LPAR1: variants seen among roughly 807,000 people sequenced by gnomAD.
LPAR1 encodes the protein lysophosphatidic acid receptor 1.
A neutral mutation model predicts 23.8 loss-of-function variants in LPAR1; 5 were observed. That is an observed-to-expected ratio of 0.21 (90% CI 0.11 to 0.44). LPAR1 has a LOEUF of 0.44. LPAR1 is among the 20% of genes least tolerant of loss of function. The probability of loss-of-function intolerance (pLI) is 0.99; values close to 1 mark genes in which losing one functional copy is unlikely to be tolerated. For missense variants in LPAR1, 311 were observed against 482.8 expected, an observed-to-expected ratio of 0.64 and a Z score of 3.33; for synonymous variants, 160 against 164.7, an observed-to-expected ratio of 0.97 and a Z score of 0.22.
intron 5 of LPAR1, among the ~76,000 whole-genome samples, chr9:110,922,995 C>G (rs563008664): frequency 2.6e-5 from 4 of 152,042 alleles, no homozygotes; most frequent in African/African-American, 9.6e-5. Context: ...CCTCAGCCCC[C>G]CAACCCCCAA....
chr9:110,950,216 G>A (rs949823791), intron 4 of LPAR1, among the ~76,000 whole-genome samples: 3 of 151,866 alleles, frequency 2.0e-5, no homozygotes, highest in African/African-American at 4.8e-5. Flanking sequence ...TCCCAGCACT[G>A]TGAAGGGCTG....
chr9:110,923,069 T>G (rs1311627140), intron 5 of LPAR1, among the ~76,000 whole-genome samples: 4 of 151,764 alleles, frequency 2.6e-5, no homozygotes, highest in Non-Finnish European at 5.9e-5. Flanking sequence ...CACCACTCAA[T>G]ACAAAGGAGA....
intron 4 of LPAR1, among the ~76,000 whole-genome samples, chr9:110,949,354 A>C (rs977910442): frequency 6.6e-6 from 1 of 152,236 alleles, no homozygotes; most frequent in African/African-American, 2.4e-5. Context: ...ATAATAAATG[A>C]TTAAAGACAA....
intron 5 of LPAR1, among the ~76,000 whole-genome samples, chr9:110,895,991 AGAT>A (rs1380048483): frequency 6.6e-6 from 1 of 152,168 alleles, no homozygotes. Context: ...AATCTTAATC[AGAT>A]CAGGCTTACA....
At chr9:110,965,336 G>A (rs2096175474) in intron 4 of LPAR1, among the ~76,000 whole-genome samples, 1 of 152,144 alleles carries the variant, frequency 6.6e-6, no homozygotes, top group Non-Finnish European at 1.5e-5. Context: ...GTTGTGAACA[G>A]GCAACCTACA....
chr9:110,989,733 A>T (rs527744010), intron 2 of LPAR1, among the ~76,000 whole-genome samples: 1 of 152,300 alleles, frequency 6.6e-6, no homozygotes, highest in East Asian at 1.9e-4. Flanking sequence ...AAACATAACC[A>T]TATGAAAACA....
chr9:110,926,088 T>C (rs2094006440), intron 5 of LPAR1, among the ~76,000 whole-genome samples: 1 of 152,088 alleles, frequency 6.6e-6, no homozygotes, highest in Non-Finnish European at 1.5e-5. Flanking sequence ...GCCCGGCTAA[T>C]TTTTTGTATT....
intron 5 of LPAR1, among the ~76,000 whole-genome samples, chr9:110,924,318 C>A (rs1047252924): frequency 2.7e-5 from 4 of 150,806 alleles, no homozygotes; most frequent in African/African-American, 9.8e-5. Context: ...GTAGAAAAAT[C>A]ACACTTTCAA....
rs139902424 is a variant in LPAR1, at chr9:110,941,688, T to C, written c.526A>G (p.Ile176Val). Residue 176 changes from isoleucine to valine, a missense_variant, in exon 5 of 6, where the codon ATC becomes GTC. By Grantham distance (29) the Ile-to-Val change is conservative (BLOSUM62 3). Around this residue, in one of 2 missense-constraint regions of LPAR1, gnomAD observed 250 missense variants for 427.2 expected, o/e 0.59. Coordinates refer to ENST00000683809, the MANE Select transcript of LPAR1 (RefSeq NM_001351411.2). This position sits in a 1 kb window ranked among gnomAD's most constrained non-coding sequence, Gnocchi z 6.1. ...ACACTGGGTATAGCACCCATAACGA[T>C]GGCCATAGTCCAGATGACCACAATG... ...VVIVVIWTMA[I>V]VMGAIPSVGW... 8 of 1,614,046 alleles carry C rather than the reference T, an allele frequency of 5.0e-6. No homozygotes were observed. In the African/African-American group the frequency reaches 5.3e-5, roughly 11 times the overall value.
At chr9:110,921,177 G>T (rs2093605251) in intron 5 of LPAR1, among the ~76,000 whole-genome samples, 1 of 152,214 alleles carries the variant, frequency 6.6e-6, no homozygotes, top group South Asian at 2.1e-4. Context: ...AACAGGGTGA[G>T]GTAGGACGAT....
chr9:110,957,184 A>T (rs1280892205), intron 4 of LPAR1, among the ~76,000 whole-genome samples: 1 of 150,778 alleles, frequency 6.6e-6, no homozygotes, highest in Non-Finnish European at 1.5e-5. Context: ...CCTGGGCAAC[A>T]AAGTGAGATG....
chr9:110,951,316 T>C (rs770677940), intron 4 of LPAR1, among the ~76,000 whole-genome samples: 21 of 152,108 alleles, frequency 1.4e-4, no homozygotes, highest in Non-Finnish European at 2.6e-4. Context: ...ATCAAAATTT[T>C]AAGACTTCTG....
At chr9:111,020,114 C>T (rs2097535203) in intron 2 of LPAR1, among the ~76,000 whole-genome samples, 1 of 152,170 alleles carries the variant, frequency 6.6e-6, no homozygotes, top group African/African-American at 2.4e-5. Flanking sequence ...TCATTTAATC[C>T]TAATTATCTC....
chr9:110,969,919 A>G (rs1161034483), intron 4 of LPAR1, among the ~76,000 whole-genome samples: 1 of 152,140 alleles, frequency 6.6e-6, no homozygotes, highest in African/African-American at 2.4e-5. Context: ...AGATTCCAAG[A>G]CAGGAGCAGG....
At chr9:110,883,981 C>A (rs1376092750) in intron 5 of LPAR1, among the ~76,000 whole-genome samples, 2 of 151,498 alleles carry the variant, frequency 1.3e-5, no homozygotes, top group Non-Finnish European at 2.9e-5. Flanking sequence ...AGAGTGTATC[C>A]ATGAGCATTC....
chr9:110,939,393 C>A (rs966247394), intron 5 of LPAR1, among the ~76,000 whole-genome samples: 1 of 152,224 alleles, frequency 6.6e-6, no homozygotes, highest in African/African-American at 2.4e-5. Context: ...AATACCTTCA[C>A]CTATCACCGT....
intron 5 of LPAR1, among the ~76,000 whole-genome samples, chr9:110,896,815 T>C (rs1353303253): frequency 7.4e-6 from 1 of 134,498 alleles, no homozygotes; most frequent in South Asian, 2.3e-4. Context: ...TGAGATGGAG[T>C]CTTGCTCTGT....
At chr9:111,025,317 TC>T (rs1205173916) in intron 2 of LPAR1, among the ~76,000 whole-genome samples, 1 of 152,242 alleles carries the variant, frequency 6.6e-6, no homozygotes, top group African/African-American at 2.4e-5. Flanking sequence ...GAGCTTTTTT[TC>T]ATAAGTCTGT....
intron 5 of LPAR1, among the ~76,000 whole-genome samples, chr9:110,884,119 C>T (rs893107965): frequency 1.3e-5 from 2 of 152,164 alleles, no homozygotes; most frequent in African/African-American, 4.8e-5. Context: ...CTGCATAGTA[C>T]GAGTCCTTAC....
Sources: gnomAD v4.1 joint callset for allele counts (sites outside exome capture counted in the v4.1 genomes callset) on GRCh38, gnomAD v4.1.1 for gene constraint, gnomAD v4.1.1 regional missense constraint, Gnocchi (gnomAD v3.1) non-coding constraint, MANE v1.5 for transcripts, NCBI Gene and HGNC (gene_info 2026-07-23, HGNC 2026-07-21) for gene names.